PSG3: variants seen among roughly 807,000 people sequenced by gnomAD.
PSG3 encodes pregnancy specific beta-1-glycoprotein 3.
Under a neutral mutation model 47.5 loss-of-function variants are expected in PSG3, and 61 were observed. The ratio of observed to expected loss-of-function variants is 1.28; its 90% CI spans 1.05 to 1.59. PSG3 has a LOEUF of 1.59. Ranked by LOEUF, PSG3 falls within the 40% of genes most tolerant of loss-of-function variation. The pLI is 0.00. For synonymous variants in PSG3, 263 were observed against 198.4 expected (o/e 1.33, Z -2.74); for missense variants, 756 against 524.0 (o/e 1.44, Z -4.32).
chr19:42,731,928 A>C (rs1458818334), intron 3 of PSG3: 2 of 151,160 alleles, frequency 1.3e-5, no homozygotes, highest in African/African-American at 2.5e-5. Context: ...CAGATTGTTC[A>C]TTGTTAGTGT....
At chr19:42,723,370 G>A (rs1969326552) in intron 6 of PSG3, among the ~76,000 whole-genome samples, 2 of 152,196 alleles carry the variant, frequency 1.3e-5, no homozygotes, top group African/African-American at 4.8e-5. Flanking sequence ...GAAGGGACAG[G>A]GGTGTGTAGG....
intron 3 of PSG3, among the ~76,000 whole-genome samples, chr19:42,730,975 G>A (rs1969463928): frequency 6.6e-6 from 1 of 152,224 alleles, no homozygotes; most frequent in African/African-American, 2.4e-5. Flanking sequence ...TTGGAGAGAA[G>A]TTTTGCAAAT....
chr19:42,730,495 T>C (rs146006337), intron 3 of PSG3, among the ~76,000 whole-genome samples: 1 of 152,142 alleles, frequency 6.6e-6, no homozygotes, highest in Non-Finnish European at 1.5e-5. Context: ...ATTCTAGAGA[T>C]GAGTAATAAT....
chr19:42,732,319 C>A (rs1472793821), intron 3 of PSG3: 5 of 202,998 alleles, frequency 2.5e-5, no homozygotes, highest in South Asian at 1.0e-4. Flanking sequence ...GGCAGGAGAG[C>A]TTGGGGGCTT....
At chr19:42,740,201 C>T in intron 1 of PSG3, 120 bp downstream of exon 1, 1 of 1,590,574 alleles carries the variant, frequency 6.3e-7, no homozygotes. Context: ...ATCCACCCTC[C>T]TCAGCCTCCC....
Position 42,732,981 on chromosome 19 carries a change from G to C in PSG3, c.512C>G (p.Pro171Arg), listed in dbSNP as rs147601797. 4.8e-4 allele frequency: 774 copies of C among 1,614,172 alleles called. 1 individual carries two copies. The highest frequency in any genetic ancestry group is 6.3e-4 in the Non-Finnish European group (744 of 1,180,016). ...CAGGTAGCTTGCGTCCGGAGTCTCA[G>C]GATCACAGGTTAAGCTCACAGCCTC... ...DMEAVSLTCD[P>R]ETPDASYLWW... Residue 171 changes from proline to arginine, a missense_variant, in exon 3 of 7, where the codon CCT (proline) becomes CGT (arginine). Transcript: ENST00000327495.
chr19:42,738,083 G>A (rs1424761359), intron 2 of PSG3, among the ~76,000 whole-genome samples: 1 of 152,184 alleles, frequency 6.6e-6, no homozygotes, highest in African/African-American at 2.4e-5. Flanking sequence ...AGCCTCCTAA[G>A]GCAGTTGTCT....
intron 6 of PSG3, among the ~76,000 whole-genome samples, chr19:42,722,867 G>A (rs1969320593): frequency 6.6e-6 from 1 of 152,148 alleles, no homozygotes; most frequent in African/African-American, 2.4e-5. Context: ...TTACATGTTA[G>A]TAGTGTCAGG....
At chr19:42,734,756 A>G (rs1969534100) in intron 2 of PSG3, among the ~76,000 whole-genome samples, 2 of 152,216 alleles carry the variant, frequency 1.3e-5, no homozygotes, top group Non-Finnish European at 2.9e-5. Flanking sequence ...TAGTGTGTCA[A>G]TTGCATAAAG....
chr19:42,737,092 T>C (rs560799129), intron 2 of PSG3, among the ~76,000 whole-genome samples: 1 of 152,068 alleles, frequency 6.6e-6, no homozygotes. Flanking sequence ...CTACACTGAC[T>C]TCAGAGACCC....
chr19:42,738,024 T>C (rs1165617455), intron 2 of PSG3, among the ~76,000 whole-genome samples: 1 of 152,222 alleles, frequency 6.6e-6, no homozygotes, highest in Non-Finnish European at 1.5e-5. Context: ...ATATCTTCTC[T>C]CCTCTGTTTC....
In PSG3 at chr19:42,722,007, T is replaced by G; in HGVS notation, c.*124A>C. ...TTGTATTCAAGAGTCCTTGTCAGAG[T>G]CTTTTCATAAATCTCCTTGAACAAA... On this transcript the variant is annotated 3_prime_UTR_variant, in exon 7 of 7. Coordinates refer to ENST00000327495, the MANE Select transcript of PSG3 (RefSeq NM_021016.4). 1 of 416,744 alleles carries G rather than the reference T, an allele frequency of 2.4e-6. No individual in the cohort carries two copies. Among genetic ancestry groups the G allele is most frequent in the Non-Finnish European group, 4.4e-6 (1 of 227,302 alleles). 25.8% of individuals were successfully genotyped at this position (416,744 alleles called of 1,614,324 possible). A position where few individuals can be genotyped will look rare whatever the true frequency, so the allele number is the denominator to read the frequency against.
rs374310043 is a variant in PSG3, at chr19:42,723,372, G to A, written c.*40+570C>T. 3.0e-4 allele frequency among the ~76,000 whole-genome samples: 46 copies of A among 152,332 alleles called. 1 individual carries two copies. In the East Asian group the frequency reaches 4.0e-3, roughly 13 times the overall value. On this transcript the variant is annotated intron_variant, in intron 6 of 6. Coordinates refer to ENST00000327495, the MANE Select transcript of PSG3 (RefSeq NM_021016.4). The stretch of plus-strand genomic sequence containing the variant: ...TATCTATATGGGTGAAGGGACAGGG[G>A]TGTGTAGGAAGACAGTTCTAATTAG...
chr19:42,731,574 C>T (rs1461175286), intron 3 of PSG3, among the ~76,000 whole-genome samples: 1 of 151,918 alleles, frequency 6.6e-6, no homozygotes, highest in Non-Finnish European at 1.5e-5. Flanking sequence ...TCATGGTTGC[C>T]TCTTTTTCTC....
chr19:42,722,523 G>A (rs1969315295), intron 6 of PSG3, among the ~76,000 whole-genome samples: 1 of 152,114 alleles, frequency 6.6e-6, no homozygotes, highest in Admixed American at 6.5e-5. Context: ...CAAAGTGCTG[G>A]GATGACAGGC....
chr19:42,732,189 AACAG>A (rs1969482851), intron 3 of PSG3: 1 of 155,188 alleles, frequency 6.4e-6, no homozygotes, highest in Non-Finnish European at 1.4e-5. Context: ...TTATGGATGA[AACAG>A]ACATAGACCC....
chr19:42,724,030 C>A lies in PSG3; in HGVS notation c.1244-5G>T. ...GATGTCCTGTTCCTGAAGGAGCTGT[C>A]ATGGAAAAAAAAGAAAAGAAGGAAT... is the stretch of plus-strand genomic sequence containing the variant. On this transcript the variant is annotated splice_region_variant and splice_polypyrimidine_tract_variant and intron_variant, in intron 5 of 6. Coordinates refer to ENST00000327495, the MANE Select transcript of PSG3 (RefSeq NM_021016.4). 1 of 1,609,032 alleles carries A rather than the reference C, an allele frequency of 6.2e-7. No homozygotes were observed. The highest frequency in any genetic ancestry group is 8.5e-7 in the Non-Finnish European group (1 of 1,176,096).
At position 42,740,430 on chromosome 19, in the gene PSG3, A is replaced by T. The variant is rs1162590179; in HGVS notation, c.-46T>A. ...TCTCCTCTGTGGAGCTGAGCCTAGG[A>T]TCCAGAAACTTCCTGAGCATGGCTC... is the stretch of plus-strand genomic sequence containing the variant. On this transcript the variant is annotated 5_prime_UTR_variant, in exon 1 of 7. Transcript: ENST00000327495. 2.5e-6 allele frequency: 4 copies of T among 1,613,678 alleles called. No homozygotes were observed. Among genetic ancestry groups the T allele is most frequent in the Admixed American group, 1.7e-5 (1 of 60,002 alleles).
At position 42,721,835 on chromosome 19, in the gene PSG3, T is replaced by C. The variant is rs1969304544; in HGVS notation, c.*296A>G. On this transcript the variant is annotated 3_prime_UTR_variant, in exon 7 of 7. Coordinates refer to ENST00000327495, the MANE Select transcript of PSG3 (RefSeq NM_021016.4). ...TTCAAAGAATCAGCACATTTTCAAA[T>C]AGAAAATTATGAAAACATTGTTTTG... 1 of 412,232 alleles carries C rather than the reference T, an allele frequency of 2.4e-6. No homozygotes were observed. The highest frequency in any genetic ancestry group is 4.4e-6 in the Non-Finnish European group (1 of 225,816). The allele number at this position is 412,232 out of a possible 1,614,324, so 25.5% of individuals were successfully genotyped here. A position where few individuals can be genotyped will look rare whatever the true frequency, so the allele number is the denominator to read the frequency against.
Sources: allele counts gnomAD v4.1 joint callset (sites outside exome capture counted in the v4.1 genomes callset), GRCh38; gene constraint gnomAD v4.1.1; transcripts MANE v1.5; gene names NCBI Gene and HGNC (gene_info 2026-07-23, HGNC 2026-07-21).